TTC6: variants seen among roughly 807,000 people sequenced by gnomAD.
TTC6 encodes the protein tetratricopeptide repeat protein 6.
Under a neutral mutation model 210.4 loss-of-function variants are expected in TTC6, and 172 were observed. The ratio of observed to expected loss-of-function variants is 0.82; its 90% CI spans 0.72 to 0.93. The LOEUF is 0.93. TTC6 is among the 40% of genes least tolerant of loss of function. The pLI is 0.00. For synonymous variants in TTC6, 804 were observed against 819.6 expected (o/e 0.98, Z 0.32); for missense variants, 2,414 against 2,318.1 (o/e 1.04, Z -0.85).
In TTC6 at chr14:37,622,897, A is replaced by AAG. The variant is rs1394213713; in HGVS notation, c.837_838dup (p.Ile280ArgfsTer39). 2.0e-6 allele frequency: 3 copies of AAG among 1,534,988 alleles called. No individual in the cohort carries two copies. Among genetic ancestry groups the AAG allele is most frequent in the African/African-American group, 2.7e-5 (2 of 73,018 alleles). On this transcript the variant is annotated frameshift_variant, in exon 1 of 31. Transcript: ENST00000553443. LOFTEE classifies it high-confidence loss of function. ...TCCCGCGTGATCCCCACGTCCATCGAAGAGATCATCGCCTCTCTGCAGTCC... is the reference window on the plus strand; with the variant it reads ...TCCCGCGTGATCCCCACGTCCATCGAAGAGAGATCATCGCCTCTCTGCAGTCC...
intron 1 of TTC6, among the ~76,000 whole-genome samples, chr14:37,646,279 T>C (rs754738307): frequency 3.3e-5 from 5 of 152,184 alleles, no homozygotes; most frequent in African/African-American, 4.8e-5. Context: ...ATAAATGTAA[T>C]GTCAAAATAA....
At position 37,830,799 on chromosome 14, in the gene TTC6, AT is replaced by A. The variant is rs201773618; in HGVS notation, c.5298+3439del. 4.9e-3 allele frequency among the ~76,000 whole-genome samples: 748 copies of A among 151,702 alleles called. 5 individuals are homozygous for A. The highest frequency in any genetic ancestry group is 0.017 in the African/African-American group (711 of 41,398). ...AAATCATTTTATTTCAAAATGTTAT[AT>A]TTTTTATTGATACATACTAATTGTA... On this transcript the variant is annotated intron_variant, in intron 29 of 30. Transcript: ENST00000553443.
At position 37,765,765 on chromosome 14, in the gene TTC6, C is replaced by T. The variant is rs8003755; in HGVS notation, c.3266+12530C>T. On this transcript the variant is annotated intron_variant, in intron 14 of 30. Coordinates refer to ENST00000553443, the Ensembl canonical transcript of TTC6. Reference sequence around the variant, plus strand: ...TGGACTTCTTCAGGTTTCATTTACTCGGAAATGCTTTGATTTCTCCTTCAT... The same window carrying T: ...TGGACTTCTTCAGGTTTCATTTACTTGGAAATGCTTTGATTTCTCCTTCAT... Among the ~76,000 whole-genome samples the T allele has an allele frequency of 3.8e-4, 58 of 151,864 alleles. 1 individual carries two copies. The highest frequency in any genetic ancestry group is 2.1e-4 in the South Asian group (1 of 4,814).
At chr14:37,634,837 A>C (rs991947196) in intron 1 of TTC6, among the ~76,000 whole-genome samples, 2 of 152,240 alleles carry the variant, frequency 1.3e-5, no homozygotes, top group African/African-American at 2.4e-5. Flanking sequence ...TGAAATGCTG[A>C]AAGAAAAGAA....
intron 17 of TTC6, among the ~76,000 whole-genome samples, chr14:37,793,418 T>C (rs1359269601): frequency 1.3e-5 from 2 of 152,224 alleles, no homozygotes; most frequent in Non-Finnish European, 2.9e-5. Context: ...GGTTTATTCC[T>C]TGCTCACACT....
At chr14:37,624,630 T>G (rs1161779897) in intron 1 of TTC6, among the ~76,000 whole-genome samples, 1 of 152,100 alleles carries the variant, frequency 6.6e-6, no homozygotes, top group African/African-American at 2.4e-5. Flanking sequence ...TCTTGTGTAT[T>G]CTTTTTTTTT....
At chr14:37,635,308 A>G (rs1011094734) in intron 1 of TTC6, among the ~76,000 whole-genome samples, 1 of 152,212 alleles carries the variant, frequency 6.6e-6, no homozygotes, top group African/African-American at 2.4e-5. Flanking sequence ...AATGACTAAA[A>G]AAGGTATACA....
chr14:37,830,891 T>C (rs1467889256), intron 29 of TTC6, among the ~76,000 whole-genome samples: 2 of 152,146 alleles, frequency 1.3e-5, no homozygotes, highest in African/African-American at 4.8e-5. Flanking sequence ...ATCAAAGTAA[T>C]TGGAATATGC....
exon 4 of TTC6, chr14:37,696,760 A>G: frequency 6.8e-7 from 1 of 1,470,034 alleles, no homozygotes; most frequent in Non-Finnish European, 9.0e-7. Context: ...AAAGAAATTA[A>G]GCGAATGCGG....
intron 29 of TTC6, among the ~76,000 whole-genome samples, chr14:37,833,928 A>G (rs2096191887): frequency 1.3e-5 from 2 of 152,298 alleles, no homozygotes; most frequent in South Asian, 2.1e-4. Context: ...CTATTTCTCC[A>G]TCATTTTTGA....
chr14:37,817,195 C>G (rs968140380), intron 25 of TTC6, among the ~76,000 whole-genome samples: 26 of 152,244 alleles, frequency 1.7e-4, no homozygotes, highest in Admixed American at 1.6e-3. Context: ...ATTTCCTTTT[C>G]TGTCTAGATA....
At chr14:37,655,986 G>GT (rs749916448) in intron 1 of TTC6, among the ~76,000 whole-genome samples, 6 of 152,086 alleles carry the variant, frequency 3.9e-5, no homozygotes, top group Non-Finnish European at 7.4e-5. Flanking sequence ...CTGGCACACT[G>GT]TAAGTGTTCA....
At chr14:37,775,761 C>T (rs1303260098) in intron 14 of TTC6, among the ~76,000 whole-genome samples, 1 of 152,122 alleles carries the variant, frequency 6.6e-6, no homozygotes, top group Non-Finnish European at 1.5e-5. Flanking sequence ...TAAGTCTCTT[C>T]ATAGGTCTCT....
chr14:37,796,213 G>A, intron 18 of TTC6, 81 bp from the exon 21 acceptor site: 1 of 578,858 alleles, frequency 1.7e-6, no homozygotes, highest in Non-Finnish European at 3.0e-6. Context: ...TTGTAAAATT[G>A]TAAGTAACTG....
intron 2 of TTC6, among the ~76,000 whole-genome samples, chr14:37,608,072 C>T (rs957807782): frequency 6.6e-6 from 1 of 152,084 alleles, no homozygotes; most frequent in African/African-American, 2.4e-5. Flanking sequence ...TTGGAACTGC[C>T]ATTCACACCT....
At chr14:37,680,424 C>T (rs1195746756) in intron 2 of TTC6, among the ~76,000 whole-genome samples, 163 bp downstream of exon 4, 5 of 152,108 alleles carry the variant, frequency 3.3e-5, no homozygotes, top group Non-Finnish European at 7.4e-5. Context: ...GGAGTCTTGG[C>T]CATTTTGGCT....
chr14:37,778,497 G>A (rs569538070), intron 14 of TTC6, among the ~76,000 whole-genome samples: 3 of 152,304 alleles, frequency 2.0e-5, no homozygotes, highest in South Asian at 4.1e-4. Context: ...TAGTGGCATG[G>A]TGGGGTGCAC....
chr14:37,596,046 C>CTT (rs144611453), intron 1 of TTC6, 38 bp downstream of exon 1: 3 of 149,296 alleles, frequency 2.0e-5, no homozygotes, highest in African/African-American at 4.9e-5. Flanking sequence ...TATGACATAA[C>CTT]TTTTTTTTTT....
intron 1 of TTC6, among the ~76,000 whole-genome samples, chr14:37,676,764 C>T (rs567862092): frequency 1.3e-5 from 2 of 152,130 alleles, no homozygotes; most frequent in East Asian, 3.9e-4. Flanking sequence ...AGGGATCCAA[C>T]TTTATTTTTT....
Sources: gnomAD v4.1 joint callset for allele counts (sites outside exome capture counted in the v4.1 genomes callset) on GRCh38, gnomAD v4.1.1 for gene constraint, MANE v1.5 for transcripts, NCBI Gene and HGNC (gene_info 2026-07-23, HGNC 2026-07-21) for gene names.